MLLT3: variants seen among roughly 807,000 people sequenced by gnomAD.
MLLT3 encodes the protein MLLT3 super elongation complex subunit.
Under a neutral mutation model 53.2 loss-of-function variants are expected in MLLT3, and 4 were observed. The observed-to-expected ratio is 0.08, with a 90% CI of 0.04 to 0.17. The LOEUF is 0.17. Among genes scored for constraint, MLLT3 ranks in the 10% least tolerant of loss-of-function variants. The pLI is 1.00. For missense variants in MLLT3, 569 were observed against 684.0 expected, an observed-to-expected ratio of 0.83 and a Z score of 1.87; for synonymous variants, 283 against 230.6, an observed-to-expected ratio of 1.23 and a Z score of -2.06.
intron 2 of MLLT3, among the ~76,000 whole-genome samples, chr9:20,597,578 C>T (rs1299014216): frequency 6.6e-6 from 1 of 152,140 alleles, no homozygotes; most frequent in Admixed American, 6.5e-5. Context: ...CTTCTTCTTA[C>T]TATGTTTATT....
intron 2 of MLLT3, among the ~76,000 whole-genome samples, chr9:20,467,473 G>A (rs1397889480): frequency 6.6e-6 from 1 of 152,178 alleles, no homozygotes; most frequent in Non-Finnish European, 1.5e-5. Context: ...AGCTACTCAG[G>A]AGGCTGACGC....
rs191903053 is a variant in MLLT3, at chr9:20,388,530, G to A, written c.1126-22786C>T. ...GTGAACCTGGGAGACGGAGCTTGCA[G>A]TGAGCCGAGATCGTGCCACTGCACT... On this transcript the variant is annotated intron_variant, in intron 5 of 10. Coordinates refer to ENST00000380338, the MANE Select transcript of MLLT3 (RefSeq NM_004529.4). Among the ~76,000 whole-genome samples the A allele has an allele frequency of 1.6e-3, 247 of 152,336 alleles. 1 individual carries two copies. The highest frequency in any genetic ancestry group is 5.7e-3 in the African/African-American group (235 of 41,572).
intron 5 of MLLT3, among the ~76,000 whole-genome samples, chr9:20,403,551 G>A (rs1368592442): frequency 2.0e-5 from 3 of 152,164 alleles, no homozygotes; most frequent in African/African-American, 7.2e-5. Context: ...CTTGTTACAA[G>A]TCTCTGAAAG....
intron 2 of MLLT3, among the ~76,000 whole-genome samples, chr9:20,586,960 A>G (rs911150982): frequency 1.1e-4 from 16 of 152,182 alleles, no homozygotes; most frequent in African/African-American, 3.9e-4. Context: ...AAACAAAAGC[A>G]TGATTCTTTC....
chr9:20,450,940 T>C (rs1045850533), intron 3 of MLLT3, among the ~76,000 whole-genome samples: 1 of 152,204 alleles, frequency 6.6e-6, no homozygotes, highest in Non-Finnish European at 1.5e-5. Flanking sequence ...ATACCAAATA[T>C]ATATAATGTT....
intron 2 of MLLT3, among the ~76,000 whole-genome samples, chr9:20,474,106 T>G (rs1402320003): frequency 6.6e-6 from 1 of 152,116 alleles, no homozygotes; most frequent in Non-Finnish European, 1.5e-5. Flanking sequence ...GGGAGTGTCT[T>G]TTTCGGTCTC....
chr9:20,404,349 G>A (rs540077377), intron 5 of MLLT3, among the ~76,000 whole-genome samples: 2 of 152,248 alleles, frequency 1.3e-5, no homozygotes, highest in South Asian at 4.1e-4. Context: ...TAATGCAATT[G>A]ATAAAATTAC....
At position 20,534,590 on chromosome 9, in the gene MLLT3, G is replaced by C. The variant is rs190420371; in HGVS notation, c.194-77804C>G. ...AGCACACTAAACACATAAGCACTTAGAAAATTATAAAGAAAAGGCCAGGCG... is the reference window on the plus strand; with the variant it reads ...AGCACACTAAACACATAAGCACTTACAAAATTATAAAGAAAAGGCCAGGCG... On this transcript the variant is annotated intron_variant, in intron 2 of 10. Transcript: ENST00000380338. 2.0e-5 allele frequency among the ~76,000 whole-genome samples: 3 copies of C among 152,236 alleles called. No homozygotes were observed. In the East Asian group the frequency reaches 5.8e-4, roughly 29 times the overall value.
At chr9:20,524,906 C>T (rs185705799) in intron 2 of MLLT3, among the ~76,000 whole-genome samples, 111 of 152,164 alleles carry the variant, frequency 7.3e-4, no homozygotes, top group African/African-American at 2.5e-3. Flanking sequence ...AATGCTAAAT[C>T]CTTGTGAGCA....
chr9:20,407,381 G>C (rs1822608600), intron 5 of MLLT3, among the ~76,000 whole-genome samples: 2 of 152,174 alleles, frequency 1.3e-5, no homozygotes, highest in African/African-American at 4.8e-5. Flanking sequence ...GGATGTGTAA[G>C]AAGCTAGAGG....
At chr9:20,358,583 A>C (rs778015356) in intron 8 of MLLT3, among the ~76,000 whole-genome samples, 3 of 152,202 alleles carry the variant, frequency 2.0e-5, no homozygotes, top group Non-Finnish European at 4.4e-5. Context: ...CCTTTCCCTA[A>C]AGCCAAGGTC....
rs34711683 is a variant in MLLT3, at chr9:20,521,458, A to ATGTGTGTGTGTG, written c.194-64684_194-64673dup. On this transcript the variant is annotated intron_variant, in intron 2 of 10. Coordinates refer to ENST00000380338, the MANE Select transcript of MLLT3 (RefSeq NM_004529.4). ...TCACTCTCTCTCGCTGTGTGTGTAT[A>ATGTGTGTGTGTG]TGTGTGTGTGTGTGTGTGTGTGTGT... Among the ~76,000 whole-genome samples, 3 of 148,636 alleles carry ATGTGTGTGTGTG rather than the reference A, an allele frequency of 2.0e-5. 1 individual carries two copies. The highest frequency in any genetic ancestry group is 7.4e-5 in the African/African-American group (3 of 40,720).
chr9:20,615,141 G>A (rs983824518), intron 2 of MLLT3, among the ~76,000 whole-genome samples: 2 of 151,786 alleles, frequency 1.3e-5, no homozygotes, highest in African/African-American at 4.8e-5. Context: ...CCCAGGAGTT[G>A]GAGACCAGTC....
intron 5 of MLLT3, among the ~76,000 whole-genome samples, chr9:20,366,944 C>T (rs1821469116): frequency 6.6e-6 from 1 of 152,188 alleles, no homozygotes; most frequent in Non-Finnish European, 1.5e-5. Context: ...AGGCTAAGGT[C>T]ATTAGTTCAA....
chr9:20,433,138 C>A (rs1313004432), intron 4 of MLLT3, among the ~76,000 whole-genome samples: 1 of 151,982 alleles, frequency 6.6e-6, no homozygotes, highest in Non-Finnish European at 1.5e-5. Context: ...GGTGGAGAGA[C>A]ACCCGTACAG....
At chr9:20,616,215 GAGACACAGAAGT>G (rs978552784) in intron 2 of MLLT3, among the ~76,000 whole-genome samples, 6 of 152,064 alleles carry the variant, frequency 3.9e-5, no homozygotes, top group African/African-American at 1.4e-4. Flanking sequence ...AATGAGAAAA[GAGACACAGAAGT>G]AACTTGTCCA....
intron 3 of MLLT3, among the ~76,000 whole-genome samples, chr9:20,451,542 G>C (rs949996735): frequency 6.6e-6 from 1 of 151,954 alleles, no homozygotes; most frequent in African/African-American, 2.4e-5. Flanking sequence ...TTTTTTTTAA[G>C]TAAGAAAAAA....
At chr9:20,579,203 A>G (rs1819728246) in intron 2 of MLLT3, among the ~76,000 whole-genome samples, 1 of 152,138 alleles carries the variant, frequency 6.6e-6, no homozygotes, top group Non-Finnish European at 1.5e-5. Flanking sequence ...CTACGTCTCT[A>G]AACAAATTAA....
intron 2 of MLLT3, among the ~76,000 whole-genome samples, chr9:20,491,291 T>C (rs937622037): frequency 2.6e-5 from 4 of 152,070 alleles, no homozygotes; most frequent in Admixed American, 2.6e-4. Context: ...AAATATGGTA[T>C]TATATGAAGA....
Sources: gnomAD v4.1 joint callset for allele counts (sites outside exome capture counted in the v4.1 genomes callset) on GRCh38, gnomAD v4.1.1 for gene constraint, MANE v1.5 for transcripts, NCBI Gene and HGNC (gene_info 2026-07-23, HGNC 2026-07-21) for gene names.